The following STK33 variants were observed in gnomAD, a reference collection of about 807,000 sequenced individuals.
The protein encoded by STK33 is serine/threonine kinase 33.
A neutral mutation model predicts 58.0 loss-of-function variants in STK33; 52 were observed. The observed-to-expected ratio is 0.90, with a 90% CI of 0.72 to 1.13. The LOEUF (loss-of-function observed/expected upper bound fraction) is 1.13. Among genes scored for constraint, STK33 ranks in the 50% most tolerant of loss-of-function variants. The pLI, the probability that STK33 is intolerant of heterozygous loss-of-function variation, is 0.00. For synonymous variants in STK33, 215 were observed against 200.1 expected, an observed-to-expected ratio of 1.07 and a Z score of -0.63; for missense variants, 630 against 604.2, an observed-to-expected ratio of 1.04 and a Z score of -0.45.
rs115614502 is a variant in STK33, at chr11:8,584,100, G to A, written c.-466+9983C>T. Among the ~76,000 whole-genome samples the A allele has an allele frequency of 6.5e-3, 826 of 127,438 alleles. 5 individuals are homozygous for A. Among genetic ancestry groups the A allele is most frequent in the African/African-American group, 0.023 (781 of 34,128 alleles). The allele number at this position is 127,438 out of a possible 152,430, so 83.6% of individuals were successfully genotyped here. The stretch of plus-strand genomic sequence containing the variant: ...TCGCAGAATGATTTTAGGCTGAAAG[G>A]AATTTAGATGAAAAAAAAAAAAAAA... On this transcript the variant is annotated intron_variant, in intron 1 of 15. Coordinates refer to ENST00000687296, the MANE Select transcript of STK33 (RefSeq NM_001352389.2).
intron 6 of STK33, chr11:8,467,280 T>G (rs1948301550): frequency 6.6e-6 from 1 of 152,270 alleles, no homozygotes; most frequent in Non-Finnish European, 1.5e-5. Flanking sequence ...ATGCTCTGCT[T>G]CCCTTATAAA....
chr11:8,519,527 C>T (rs1344517666), intron 1 of STK33, among the ~76,000 whole-genome samples: 1 of 151,944 alleles, frequency 6.6e-6, no homozygotes, highest in Non-Finnish European at 1.5e-5. Context: ...CACAAAAAAC[C>T]CTTCAAAAAA....
intron 6 of STK33, chr11:8,467,064 C>G (rs966320591): frequency 6.6e-6 from 1 of 152,238 alleles, no homozygotes; most frequent in African/African-American, 2.4e-5. Flanking sequence ...CACGAAACCA[C>G]TTTTTCCTCC....
At chr11:8,542,930 T>G (rs1318457909) in intron 1 of STK33, among the ~76,000 whole-genome samples, 7 of 152,086 alleles carry the variant, frequency 4.6e-5, no homozygotes, top group Non-Finnish European at 8.8e-5. Context: ...AGGCTGGTCT[T>G]GAACTCCTGG....
chr11:8,339,127 C>A, the STK33 span, among the ~76,000 whole-genome samples: 1 of 152,108 alleles, frequency 6.6e-6, no homozygotes. Flanking sequence ...AAAGGGAAGG[C>A]TATAGGCTGT....
At chr11:8,559,079 C>T (rs894846667) in intron 1 of STK33, among the ~76,000 whole-genome samples, 1 of 152,194 alleles carries the variant, frequency 6.6e-6, no homozygotes, top group Non-Finnish European at 1.5e-5. Context: ...TAGAGGTCCA[C>T]TTGCCTCCAT....
chr11:8,360,742 G>A, the STK33 span, among the ~76,000 whole-genome samples: 2 of 152,228 alleles, frequency 1.3e-5, no homozygotes, highest in African/African-American at 2.4e-5. Context: ...CCCAGCTTCT[G>A]GAGGCCGCCT....
At chr11:8,354,775 G>T in the STK33 span, among the ~76,000 whole-genome samples, 1 of 152,262 alleles carries the variant, frequency 6.6e-6, no homozygotes, top group Non-Finnish European at 1.5e-5. Context: ...AGTGCTGCAA[G>T]ACTTGCGGGC....
chr11:8,346,738 A>G, the STK33 span, among the ~76,000 whole-genome samples: 1 of 151,310 alleles, frequency 6.6e-6, no homozygotes, highest in South Asian at 2.1e-4. Flanking sequence ...CCCTACTCTC[A>G]TTTTCTTGCT....
the STK33 span, among the ~76,000 whole-genome samples, chr11:8,362,928 T>TCCTCC: frequency 7.5e-6 from 1 of 133,194 alleles, no homozygotes; most frequent in African/African-American, 2.8e-5. Flanking sequence ...CTCCCTCCTT[T>TCCTCC]CCTTTTTTCC....
intron 11 of STK33, among the ~76,000 whole-genome samples, chr11:8,452,342 A>G (rs1946387803): frequency 6.6e-6 from 1 of 152,344 alleles, no homozygotes; most frequent in South Asian, 2.1e-4. Context: ...AATTTTTTTA[A>G]ATCTTTAAAG....
intron 4 of STK33, 110 bp from the exon 5 acceptor site, chr11:8,475,176 A>T: frequency 3.2e-6 from 1 of 315,040 alleles, no homozygotes; most frequent in South Asian, 1.2e-4. Flanking sequence ...ATAGACATGA[A>T]AAGGACAAAA....
intron 1 of STK33, among the ~76,000 whole-genome samples, chr11:8,508,834 T>A (rs961029948): frequency 6.6e-6 from 1 of 152,146 alleles, no homozygotes; most frequent in Non-Finnish European, 1.5e-5. Flanking sequence ...AGGCCACTCA[T>A]GGCCGGGCTC....
intron 15 of STK33, among the ~76,000 whole-genome samples, chr11:8,413,212 C>G (rs998990612): frequency 7.9e-5 from 12 of 152,176 alleles, no homozygotes; most frequent in African/African-American, 2.9e-4. Context: ...GTAGTTGTGA[C>G]AAAGACTACT....
At chr11:8,473,076 GATTT>G in intron 6 of STK33, 83 bp downstream of exon 6, 1 of 786,356 alleles carries the variant, frequency 1.3e-6, no homozygotes, top group Non-Finnish European at 2.0e-6. Flanking sequence ...TTTCCTTAGA[GATTT>G]ATTTTTCAAT....
At chr11:8,381,161 G>T in the STK33 span, among the ~76,000 whole-genome samples, 1 of 152,110 alleles carries the variant, frequency 6.6e-6, no homozygotes, top group African/African-American at 2.4e-5. Flanking sequence ...TGGGTACAAT[G>T]TACACTACTC....
intron 1 of STK33, among the ~76,000 whole-genome samples, chr11:8,487,150 A>G (rs2138461175): frequency 1.3e-5 from 2 of 152,300 alleles, no homozygotes; most frequent in South Asian, 4.1e-4. Flanking sequence ...GAGGCCGGGC[A>G]CAGTGGCTCA....
intron 1 of STK33, among the ~76,000 whole-genome samples, chr11:8,584,835 C>A (rs1395491289): frequency 1.3e-5 from 2 of 151,916 alleles, no homozygotes; most frequent in Admixed American, 1.3e-4. Flanking sequence ...TTAATCTAGA[C>A]AGGATGCTAT....
chr11:8,473,249 T>A lies in STK33; in HGVS notation c.253A>T (p.Lys85Ter). The A allele has an allele frequency of 1.2e-6, 2 of 1,613,424 alleles. No homozygotes were observed. Among genetic ancestry groups the A allele is most frequent in the Non-Finnish European group, 1.7e-6 (2 of 1,179,704 alleles). The change falls in exon 6 of 16, where the codon AAA becomes TAA. Residue 85 changes from lysine to a stop codon, truncating the protein, a stop_gained. Transcript: ENST00000687296. LOFTEE classifies it high-confidence loss of function. ...CGACCCCATTGTTGCTGAGATGCTT[T>A]TCTCTCTACATTTGAGGTTCTTGAG... ...LPSRTSNVER[K>*]ASQQQWGRGN...
Sources: gnomAD v4.1 joint callset for allele counts (sites outside exome capture counted in the v4.1 genomes callset) on GRCh38, gnomAD v4.1.1 for gene constraint, MANE v1.5 for transcripts, NCBI Gene and HGNC (gene_info 2026-07-23, HGNC 2026-07-21) for gene names.